The following SMYD3 variants were observed in gnomAD, a reference collection of about 807,000 sequenced individuals.
SMYD3 encodes the protein SET and MYND domain containing 3.
Under a neutral mutation model 57.7 loss-of-function variants are expected in SMYD3, and 36 were observed. The observed-to-expected ratio is 0.62, with a 90% CI of 0.48 to 0.82. SMYD3 has a LOEUF of 0.82. SMYD3 is among the 40% of genes least tolerant of loss of function. SMYD3 has a pLI of 0.00. For missense variants in SMYD3, 515 were observed against 538.8 expected (o/e 0.96, Z 0.44); for synonymous variants, 211 against 195.0 (o/e 1.08, Z -0.68).
chr1:246,044,022 T>C (rs1436311151), intron 5 of SMYD3, among the ~76,000 whole-genome samples: 1 of 152,236 alleles, frequency 6.6e-6, no homozygotes, highest in Non-Finnish European at 1.5e-5. Context: ...TGGTTTATTT[T>C]TCTCTCACAC....
intron 10 of SMYD3, among the ~76,000 whole-genome samples, chr1:245,778,002 T>A: frequency 6.6e-6 from 1 of 151,676 alleles, no homozygotes; most frequent in East Asian, 1.9e-4. Context: ...GGCAGGAAAA[T>A]GATACAAAGT....
intron 5 of SMYD3, among the ~76,000 whole-genome samples, chr1:245,949,930 T>C (rs2057569821): frequency 6.7e-6 from 1 of 149,268 alleles, no homozygotes; most frequent in Non-Finnish European, 1.5e-5. Flanking sequence ...TCCTCCCCTG[T>C]GAATGCAAAT....
At chr1:246,323,055 C>G (rs2065276232) in intron 5 of SMYD3, among the ~76,000 whole-genome samples, 3 of 152,242 alleles carry the variant, frequency 2.0e-5, no homozygotes, top group Admixed American at 2.0e-4. Flanking sequence ...CTGTATATCA[C>G]TGTTTCCCAA....
rs542149883 is a variant in SMYD3 at position 245,889,658 on chromosome 1, C to A, written c.814-25772G>T. ...ACTCAGAAAAGAACAATAATTCTTACATGGCAAATTCTGAAAGAGGCATCA... is the reference window on the plus strand; with the variant it reads ...ACTCAGAAAAGAACAATAATTCTTAAATGGCAAATTCTGAAAGAGGCATCA... On this transcript the variant is annotated intron_variant, in intron 8 of 11. Coordinates refer to ENST00000490107, the MANE Select transcript of SMYD3 (RefSeq NM_001167740.2). Among the ~76,000 whole-genome samples, 115 of 152,308 alleles carry A rather than the reference C, an allele frequency of 7.6e-4. 2 individuals carry two copies. In the South Asian group the frequency reaches 0.023, roughly 30 times the overall value.
chr1:246,461,621 A>C (rs1364981040), intron 1 of SMYD3, among the ~76,000 whole-genome samples: 1 of 151,704 alleles, frequency 6.6e-6, no homozygotes, highest in Non-Finnish European at 1.5e-5. Flanking sequence ...AAAAAAATTA[A>C]AATTGAGGGG....
chr1:246,325,531 AG>A (rs1213126005), intron 5 of SMYD3, among the ~76,000 whole-genome samples: 1 of 152,114 alleles, frequency 6.6e-6, no homozygotes, highest in Admixed American at 6.5e-5. Context: ...TGTGGGGAGA[AG>A]GGTAAGCATT....
chr1:245,889,966 G>A (rs147182812), intron 8 of SMYD3, among the ~76,000 whole-genome samples: 1 of 152,100 alleles, frequency 6.6e-6, no homozygotes, highest in Non-Finnish European at 1.5e-5. Context: ...TTTGACAAAG[G>A]TGCCAAGAAC....
chr1:246,456,136 G>A (rs2103033365), intron 1 of SMYD3, among the ~76,000 whole-genome samples: 1 of 152,198 alleles, frequency 6.6e-6, no homozygotes, highest in Admixed American at 6.5e-5. Flanking sequence ...ATTTGTCTCT[G>A]GCCCAATTTT....
intron 1 of SMYD3, among the ~76,000 whole-genome samples, chr1:246,502,135 CTTTT>C (rs56336266): frequency 4.1e-5 from 6 of 145,914 alleles, no homozygotes; most frequent in Non-Finnish European, 9.0e-5. Context: ...ATGCAGCTGC[CTTTT>C]TTTTTTTCTT....
intron 5 of SMYD3, among the ~76,000 whole-genome samples, chr1:245,950,350 C>T (rs1263072658): frequency 2.0e-5 from 3 of 152,188 alleles, no homozygotes; most frequent in Non-Finnish European, 4.4e-5. Flanking sequence ...TCCCCCAGTG[C>T]AAGACCTGGT....
intron 1 of SMYD3, among the ~76,000 whole-genome samples, chr1:246,356,613 G>A (rs2065913308): frequency 6.6e-6 from 1 of 152,106 alleles, no homozygotes. Context: ...ACAACTTCTA[G>A]AAATCAAAGA....
Position 246,056,739 on chromosome 1 carries a change from C to T in SMYD3, c.532-126802G>A, listed in dbSNP as rs147879897. Among the ~76,000 whole-genome samples, 650 of 151,138 alleles carry T rather than the reference C, an allele frequency of 4.3e-3. 4 individuals are homozygous for T. Among genetic ancestry groups the T allele is most frequent in the Middle Eastern group, 0.031 (9 of 292 alleles). On this transcript the variant is annotated intron_variant, in intron 5 of 11. Coordinates refer to ENST00000490107, the MANE Select transcript of SMYD3 (RefSeq NM_001167740.2). ...ATTATATACATGTATCGAAATATCACTCTGTAGCCCATAAATACATGTAAA... is the reference window on the plus strand; with the variant it reads ...ATTATATACATGTATCGAAATATCATTCTGTAGCCCATAAATACATGTAAA...
chr1:246,014,412 C>T (rs1180042798), intron 5 of SMYD3, among the ~76,000 whole-genome samples: 2 of 152,160 alleles, frequency 1.3e-5, no homozygotes, highest in African/African-American at 4.8e-5. Context: ...GATAATGTTG[C>T]ATTCATGCTT....
At chr1:246,445,097 T>C (rs1334133265) in intron 1 of SMYD3, among the ~76,000 whole-genome samples, 1 of 152,222 alleles carries the variant, frequency 6.6e-6, no homozygotes, top group Non-Finnish European at 1.5e-5. Flanking sequence ...ACTGAATTGT[T>C]GTGAGGATTA....
intron 1 of SMYD3, among the ~76,000 whole-genome samples, chr1:246,470,646 T>C (rs1182984356): frequency 2.0e-5 from 3 of 151,338 alleles, no homozygotes; most frequent in South Asian, 2.1e-4. Flanking sequence ...ATAGTGTATG[T>C]ATGTGTATAT....
At chr1:245,794,052 A>T (rs1225880494) in intron 10 of SMYD3, among the ~76,000 whole-genome samples, 1 of 152,218 alleles carries the variant, frequency 6.6e-6, no homozygotes, top group African/African-American at 2.4e-5. Flanking sequence ...AATCATTTAC[A>T]TGTATGGTGA....
intron 5 of SMYD3, among the ~76,000 whole-genome samples, chr1:246,109,042 T>C (rs2061181202): frequency 6.6e-6 from 1 of 152,202 alleles, no homozygotes; most frequent in Admixed American, 6.5e-5. Flanking sequence ...ATTCATTATA[T>C]TGGTATAATT....
At chr1:246,139,934 T>A (rs1244532345) in intron 5 of SMYD3, among the ~76,000 whole-genome samples, 2 of 152,212 alleles carry the variant, frequency 1.3e-5, no homozygotes, top group Non-Finnish European at 2.9e-5. Flanking sequence ...GCTCTCCCTT[T>A]CATTAAGATA....
chr1:246,397,966 G>GAAC (rs138419781), intron 1 of SMYD3, among the ~76,000 whole-genome samples: 38 of 150,080 alleles, frequency 2.5e-4, no homozygotes, highest in African/African-American at 3.2e-4. Context: ...AGGGGAGAAA[G>GAAC]AACAACAACA....
Sources: allele counts gnomAD v4.1 joint callset (sites outside exome capture counted in the v4.1 genomes callset), GRCh38; gene constraint gnomAD v4.1.1; transcripts MANE v1.5; gene names NCBI Gene and HGNC (gene_info 2026-07-23, HGNC 2026-07-21).